The following PLXNA4 variants were observed in gnomAD, a reference collection of about 807,000 sequenced individuals.
PLXNA4 encodes plexin-A4.
In PLXNA4, 44 loss-of-function variants were observed where a neutral mutation model predicts 191.8. The ratio of observed to expected loss-of-function variants is 0.23; its 90% CI spans 0.18 to 0.29. The LOEUF is 0.29. Ranked by LOEUF, PLXNA4 falls within the 10% of genes least tolerant of loss-of-function variation. PLXNA4 has a pLI of 1.00. For missense variants in PLXNA4, 1,800 were observed against 2,488.8 expected (o/e 0.72, Z 5.89); for synonymous variants, 1,082 against 1,009.5 (o/e 1.07, Z -1.36).
intron 3 of PLXNA4, among the ~76,000 whole-genome samples, chr7:132,465,840 G>T (rs1467735602): frequency 1.3e-5 from 2 of 152,046 alleles, no homozygotes; most frequent in African/African-American, 2.4e-5. Flanking sequence ...GAGGAGAGAG[G>T]GACTGGAAGA....
chr7:132,436,538 A>G (rs1795476090), intron 3 of PLXNA4, among the ~76,000 whole-genome samples: 1 of 152,200 alleles, frequency 6.6e-6, no homozygotes, highest in Admixed American at 6.5e-5. Context: ...GAAGGAACCA[A>G]TGCAGTGGGA....
At chr7:132,399,542 G>A (rs1297235345) in intron 3 of PLXNA4, among the ~76,000 whole-genome samples, 1 of 152,180 alleles carries the variant, frequency 6.6e-6, no homozygotes, top group African/African-American at 2.4e-5. Flanking sequence ...AGGCTTCATG[G>A]GGGAGGCGGG....
chr7:132,193,547 A>G (rs1393101363), intron 14 of PLXNA4, among the ~76,000 whole-genome samples: 1 of 152,244 alleles, frequency 6.6e-6, no homozygotes, highest in Non-Finnish European at 1.5e-5. Context: ...GGTGGCAACC[A>G]CAGAAATAAT....
At chr7:132,573,578 G>A (rs973197722) in intron 1 of PLXNA4, among the ~76,000 whole-genome samples, 9 of 152,200 alleles carry the variant, frequency 5.9e-5, no homozygotes, top group Non-Finnish European at 1.3e-4. Flanking sequence ...GAGGCCAAGT[G>A]TATGTAGGCA....
chr7:132,638,404 C>G (rs1205215648), intron 2 of PLXNA4, among the ~76,000 whole-genome samples: 1 of 152,208 alleles, frequency 6.6e-6, no homozygotes, highest in African/African-American at 2.4e-5. Flanking sequence ...GTAATCCCAG[C>G]ACTTTGGGAG....
chr7:132,305,322 G>A (rs1056979157), intron 3 of PLXNA4, among the ~76,000 whole-genome samples: 7 of 150,988 alleles, frequency 4.6e-5, no homozygotes, highest in African/African-American at 1.7e-4. Flanking sequence ...AGTGTTCAGT[G>A]TGCACTGCAC....
chr7:132,281,736 A>T (rs530331903), intron 4 of PLXNA4, among the ~76,000 whole-genome samples: 130 of 152,322 alleles, frequency 8.5e-4, no homozygotes, highest in African/African-American at 2.9e-3. Flanking sequence ...GCAAAGTGGC[A>T]TACTCTGACA....
At chr7:132,146,403 G>A (rs1454616594) in intron 28 of PLXNA4, 107 bp downstream of exon 28, 11 of 1,570,588 alleles carry the variant, frequency 7.0e-6, no homozygotes, top group Admixed American at 6.7e-5. Flanking sequence ...AATAGAGTGG[G>A]CACCAGCATG....
At position 132,491,182 on chromosome 7, in the gene PLXNA4, C is replaced by T. The variant is rs563226523; in HGVS notation, c.1189-1708G>A. 4.6e-5 allele frequency among the ~76,000 whole-genome samples: 7 copies of T among 152,356 alleles called. No individual in the cohort carries two copies. In the East Asian group the frequency reaches 1.3e-3, roughly 29 times the overall value. The stretch of plus-strand genomic sequence containing the variant: ...CGCTCTTTGATGGGCTACCATAAAG[C>T]CTATTGCACTCGTGCCTGTAAATGT... On this transcript the variant is annotated intron_variant, in intron 2 of 31. Transcript: ENST00000321063.
Position 132,372,679 on chromosome 7 carries a change from A to G in PLXNA4, c.1372-74457T>C, listed in dbSNP as rs1397615418. 4.6e-5 allele frequency among the ~76,000 whole-genome samples: 7 copies of G among 152,238 alleles called. No homozygotes were observed. In the East Asian group the frequency reaches 1.3e-3, roughly 29 times the overall value. The stretch of plus-strand genomic sequence containing the variant: ...TAGAGAGATGAAGCCTTTTAGAATC[A>G]AACAAAATAGAACAAAGGTTCAATT... On this transcript the variant is annotated intron_variant, in intron 3 of 31. Transcript: ENST00000321063.
intron 1 of PLXNA4, among the ~76,000 whole-genome samples, chr7:132,567,059 T>TA (rs1442102546): frequency 3.3e-5 from 5 of 152,144 alleles, no homozygotes; most frequent in Admixed American, 1.3e-4. Flanking sequence ...TCAATAGGCT[T>TA]AAATACTCCC....
chr7:132,168,524 C>A lies in PLXNA4; in HGVS notation c.4066G>T (p.Ala1356Ser), dbSNP rs140960582. The A allele has an allele frequency of 3.7e-6, 6 of 1,610,006 alleles. No homozygotes were observed. The highest frequency in any genetic ancestry group is 1.7e-4 in the Middle Eastern group (1 of 6,058). ...AACACCTTGTTGTTGATGAGCTGGG[C>A]GAAGAGCTTCAGGCCTTTCTCCACA... Reference protein sequence around the residue: ...ERVEKGLKLFAQLINNKVFLL... With the variant: ...ERVEKGLKLFSQLINNKVFLL... Residue 1356 changes from alanine to serine, a missense_variant, in exon 22 of 32, where the codon GCC (alanine) becomes TCC (serine). Transcript: ENST00000321063.
chr7:132,470,477 G>A (rs1796893025), intron 3 of PLXNA4, among the ~76,000 whole-genome samples: 1 of 152,190 alleles, frequency 6.6e-6, no homozygotes, highest in Non-Finnish European at 1.5e-5. Flanking sequence ...ATGTTTTAGA[G>A]GAATCTCCAC....
chr7:132,435,563 T>G (rs935412075), intron 3 of PLXNA4, among the ~76,000 whole-genome samples: 1 of 151,934 alleles, frequency 6.6e-6, no homozygotes, highest in Admixed American at 6.6e-5. Flanking sequence ...GAAAGAACAA[T>G]GAGGAGTGTT....
intron 1 of PLXNA4, among the ~76,000 whole-genome samples, chr7:132,541,367 T>G (rs1272166228): frequency 1.3e-5 from 2 of 152,220 alleles, no homozygotes; most frequent in Non-Finnish European, 2.9e-5. Context: ...AGAGAGCCGG[T>G]GCTGCTGGAA....
At chr7:132,340,654 G>A (rs1420317457) in intron 3 of PLXNA4, among the ~76,000 whole-genome samples, 1 of 152,196 alleles carries the variant, frequency 6.6e-6, no homozygotes, top group Non-Finnish European at 1.5e-5. Flanking sequence ...AAACAATAAA[G>A]AACCTCTCTC....
At chr7:132,183,539 G>C (rs1298227010) in intron 16 of PLXNA4, among the ~76,000 whole-genome samples, 2 of 152,236 alleles carry the variant, frequency 1.3e-5, no homozygotes, top group African/African-American at 2.4e-5. Flanking sequence ...CTGAGTGCCA[G>C]TTAGGGTGAC....
intron 2 of PLXNA4, among the ~76,000 whole-genome samples, chr7:132,643,433 C>T (rs955947620): frequency 6.6e-6 from 1 of 151,176 alleles, no homozygotes; most frequent in East Asian, 2.0e-4. Flanking sequence ...CCACCCCACA[C>T]GAAGCAGCCT....
intron 1 of PLXNA4, among the ~76,000 whole-genome samples, chr7:132,516,328 C>A (rs1336406064): frequency 6.6e-6 from 1 of 151,866 alleles, no homozygotes; most frequent in Non-Finnish European, 1.5e-5. Context: ...ATCAGAGAAA[C>A]TACGTCTTTC....
Sources: gnomAD v4.1 joint callset for allele counts (sites outside exome capture counted in the v4.1 genomes callset) on GRCh38, gnomAD v4.1.1 for gene constraint, MANE v1.5 for transcripts, NCBI Gene and HGNC (gene_info 2026-07-23, HGNC 2026-07-21) for gene names.